Variants in TMEM131 observed in about 807,000 individuals in gnomAD.
TMEM131 encodes the protein 2610524E03Rik.
In TMEM131, 66 loss-of-function variants were observed where a neutral mutation model predicts 211.6. The observed-to-expected ratio is 0.31, with a 90% CI of 0.26 to 0.38. The LOEUF (loss-of-function observed/expected upper bound fraction) is 0.38. TMEM131 is among the 10% of genes least tolerant of loss of function. TMEM131 has a pLI of 1.00. For missense variants in TMEM131, 2,036 were observed against 2,299.3 expected, an observed-to-expected ratio of 0.89 and a Z score of 2.34; for synonymous variants, 844 against 841.3, an observed-to-expected ratio of 1.00 and a Z score of -0.06.
At chr2:97,821,173 C>T (rs1157680911) in intron 11 of TMEM131, among the ~76,000 whole-genome samples, 3 of 152,122 alleles carry the variant, frequency 2.0e-5, no homozygotes, top group African/African-American at 7.2e-5. Context: ...ATTGTAAACA[C>T]ACCAATCAGT....
At chr2:97,858,344 A>C (rs1029216738) in intron 5 of TMEM131, among the ~76,000 whole-genome samples, 5 of 152,202 alleles carry the variant, frequency 3.3e-5, no homozygotes, top group Non-Finnish European at 7.3e-5. Flanking sequence ...ATTCTCTCAA[A>C]TTTAAAATGT....
chr2:97,913,015 T>C (rs999930808), intron 2 of TMEM131: 1 of 152,226 alleles, frequency 6.6e-6, no homozygotes, highest in Non-Finnish European at 1.5e-5. Flanking sequence ...CAATTTTGTT[T>C]CCCTGGGGGA....
intron 4 of TMEM131, among the ~76,000 whole-genome samples, chr2:97,880,134 C>A (rs192845744): frequency 1.6e-4 from 25 of 152,202 alleles, no homozygotes; most frequent in African/African-American, 6.0e-4. Flanking sequence ...ATGAAAACTT[C>A]CATAAAAAAC....
intron 1 of TMEM131, among the ~76,000 whole-genome samples, chr2:97,970,962 T>C (rs537709758): frequency 1.3e-5 from 2 of 152,304 alleles, no homozygotes; most frequent in African/African-American, 4.8e-5. Flanking sequence ...ATGTAGCCTA[T>C]GGTGGGGGGA....
At chr2:97,801,787 A>G (rs924983349) in intron 25 of TMEM131, 108 bp downstream of exon 25, 3 of 745,376 alleles carry the variant, frequency 4.0e-6, no homozygotes, top group African/African-American at 3.6e-5. Context: ...TTCTTCAGTA[A>G]CTTACCCTTC....
intron 33 of TMEM131, among the ~76,000 whole-genome samples, chr2:97,767,901 C>T (rs144483960): frequency 4.4e-4 from 67 of 152,286 alleles, no homozygotes; most frequent in Non-Finnish European, 8.1e-4. Context: ...TGCTCATTCA[C>T]AGGAGATTTC....
chr2:97,797,245 G>C, intron 26 of TMEM131, 120 bp downstream of exon 26: 1 of 1,050,510 alleles, frequency 9.5e-7, no homozygotes, highest in Non-Finnish European at 1.4e-6. Context: ...GTGTGTGCAT[G>C]TTTTGGACAA....
chr2:97,932,169 A>G (rs1677252168), intron 1 of TMEM131, among the ~76,000 whole-genome samples: 1 of 150,886 alleles, frequency 6.6e-6, no homozygotes, highest in Admixed American at 6.6e-5. Flanking sequence ...AGACACTGCT[A>G]TTTTAGAATT....
intron 5 of TMEM131, among the ~76,000 whole-genome samples, chr2:97,853,182 C>T (rs181896667): frequency 1.3e-5 from 2 of 152,310 alleles, no homozygotes; most frequent in Non-Finnish European, 2.9e-5. Flanking sequence ...TGCAAGTCTT[C>T]TTATTGAAGA....
chr2:97,962,288 G>C (rs1425735990), intron 1 of TMEM131, among the ~76,000 whole-genome samples: 1 of 152,200 alleles, frequency 6.6e-6, no homozygotes. Context: ...TGGATCACAA[G>C]GTCAGGAGAT....
chr2:97,951,798 G>A (rs1286568761), intron 1 of TMEM131, among the ~76,000 whole-genome samples: 1 of 152,042 alleles, frequency 6.6e-6, no homozygotes, highest in South Asian at 2.1e-4. Context: ...CAGTCCACCC[G>A]CTTTCCACCT....
At chr2:97,972,711 G>T (rs1361434785) in intron 1 of TMEM131, among the ~76,000 whole-genome samples, 1 of 152,162 alleles carries the variant, frequency 6.6e-6, no homozygotes, top group East Asian at 1.9e-4. Context: ...AAAATAGGGA[G>T]GTTATTCTGG....
At chr2:97,887,263 A>G (rs6723653) in intron 4 of TMEM131, among the ~76,000 whole-genome samples, 118,081 of 152,206 alleles carry the variant, frequency 0.78, 47,732 homozygotes, top group African/African-American at 0.93. Flanking sequence ...CTGCTTGGCT[A>G]GCCTGGGGAC....
intron 11 of TMEM131, chr2:97,827,489 C>T (rs937846136): frequency 2.6e-5 from 28 of 1,073,136 alleles, no homozygotes; most frequent in Admixed American, 5.1e-5. Context: ...AATGGGGAAA[C>T]GAAAACTGAG....
intron 7 of TMEM131, among the ~76,000 whole-genome samples, chr2:97,839,360 CA>C (rs397985261): frequency 6.9e-6 from 1 of 145,584 alleles, no homozygotes; most frequent in Non-Finnish European, 1.5e-5. Flanking sequence ...ACCAACCAAC[CA>C]AAAAAACCCC....
intron 1 of TMEM131, among the ~76,000 whole-genome samples, chr2:97,974,033 G>A (rs967364463): frequency 5.3e-5 from 8 of 152,176 alleles, no homozygotes; most frequent in Non-Finnish European, 8.8e-5. Context: ...GACCCAATAC[G>A]AGAATAATCC....
chr2:97,956,448 TCTC>T (rs760946292), intron 1 of TMEM131, among the ~76,000 whole-genome samples: 5 of 152,294 alleles, frequency 3.3e-5, no homozygotes, highest in Non-Finnish European at 5.9e-5. Flanking sequence ...GTGGTATTGA[TCTC>T]CTATTACTTT....
intron 38 of TMEM131, 151 bp downstream of exon 38, chr2:97,760,442 A>G (rs1222427671): frequency 1.4e-6 from 1 of 736,090 alleles, no homozygotes; most frequent in African/African-American, 1.8e-5. Context: ...CCCAGCAGAC[A>G]TGATTTCTTA....
At chr2:97,808,476 G>A (rs2104950296) in intron 19 of TMEM131, among the ~76,000 whole-genome samples, 1 of 152,184 alleles carries the variant, frequency 6.6e-6, no homozygotes, top group African/African-American at 2.4e-5. Context: ...TTGTTCTCCA[G>A]GCTCAAACTC....
Sources: gnomAD v4.1 joint callset for allele counts (sites outside exome capture counted in the v4.1 genomes callset) on GRCh38, gnomAD v4.1.1 for gene constraint, MANE v1.5 for transcripts, NCBI Gene and HGNC (gene_info 2026-07-23, HGNC 2026-07-21) for gene names.